The following SNTG1 variants were observed in gnomAD, a reference collection of about 807,000 sequenced individuals.
The protein encoded by SNTG1 is gamma-1-syntrophin.
Under a neutral mutation model 74.7 loss-of-function variants are expected in SNTG1, and 39 were observed. That is an observed-to-expected ratio of 0.52 (90% CI 0.40 to 0.68). SNTG1 has a LOEUF of 0.68. SNTG1 is among the 30% of genes least tolerant of loss of function. The pLI, the probability that SNTG1 is intolerant of heterozygous loss-of-function variation, is 0.00. For synonymous variants in SNTG1, 254 were observed against 217.1 expected (o/e 1.17, Z -1.49); for missense variants, 685 against 609.5 (o/e 1.12, Z -1.30).
intron 18 of SNTG1, among the ~76,000 whole-genome samples, chr8:50,769,198 A>C (rs985529804): frequency 1.3e-5 from 2 of 151,906 alleles, no homozygotes; most frequent in Admixed American, 1.3e-4. Flanking sequence ...GTAGACTATA[A>C]AATTTGCATT....
At chr8:50,105,453 A>G (rs2080328957) in intron 1 of SNTG1, among the ~76,000 whole-genome samples, 1 of 151,710 alleles carries the variant, frequency 6.6e-6, no homozygotes, top group Non-Finnish European at 1.5e-5. Context: ...TTTGAATTTG[A>G]GTAACATGAT....
chr8:50,590,376 C>T (rs1037655212), intron 12 of SNTG1, among the ~76,000 whole-genome samples: 1 of 152,004 alleles, frequency 6.6e-6, no homozygotes, highest in African/African-American at 2.4e-5. Context: ...ACTTTAAATT[C>T]TTATAAAATG....
intron 1 of SNTG1, among the ~76,000 whole-genome samples, chr8:50,144,847 G>T (rs2081800409): frequency 6.6e-6 from 1 of 152,160 alleles, no homozygotes; most frequent in Non-Finnish European, 1.5e-5. Context: ...ATCAATAGTT[G>T]TATTTTTATT....
At chr8:50,529,156 A>G (rs2130298236) in intron 9 of SNTG1, among the ~76,000 whole-genome samples, 1 of 152,088 alleles carries the variant, frequency 6.6e-6, no homozygotes, top group East Asian at 1.9e-4. Context: ...CATTTGCTTT[A>G]AAGTAATACA....
chr8:49,976,182 G>C (rs534979661), intron 1 of SNTG1, among the ~76,000 whole-genome samples: 1 of 152,242 alleles, frequency 6.6e-6, no homozygotes, highest in Admixed American at 6.5e-5. Flanking sequence ...TATCTTCTTT[G>C]AGAAAAGCAA....
rs367552351 is a variant in SNTG1 at position 50,572,463 on chromosome 8, A to G, written c.811-18416A>G. 4.6e-5 allele frequency among the ~76,000 whole-genome samples: 7 copies of G among 152,146 alleles called. No individual in the cohort carries two copies. In the East Asian group the frequency reaches 9.6e-4, roughly 21 times the overall value. The stretch of plus-strand genomic sequence containing the variant: ...TGATGACTGAGACAGATAAAATTGG[A>G]TAATTCTTGTTATAGGAAAATAAAG... On this transcript the variant is annotated intron_variant, in intron 12 of 18. Coordinates refer to ENST00000642720, the MANE Select transcript of SNTG1 (RefSeq NM_018967.5).
chr8:50,055,263 T>C (rs1819927093), intron 1 of SNTG1, among the ~76,000 whole-genome samples: 1 of 152,172 alleles, frequency 6.6e-6, no homozygotes, highest in South Asian at 2.1e-4. Context: ...TAAGACTTTA[T>C]AGTATTTATA....
At chr8:50,721,876 G>A (rs983198899) in intron 17 of SNTG1, among the ~76,000 whole-genome samples, 5 of 152,046 alleles carry the variant, frequency 3.3e-5, no homozygotes, top group African/African-American at 1.2e-4. Flanking sequence ...CAAAGATGTT[G>A]CTTCACTGAA....
rs988244521 is a variant in SNTG1, at chr8:50,122,483, C to G, written c.-102-50078C>G. ...GTCAAAAAAAAGCTGTGACTGCACT[C>G]AGCCCTTTGGACCTCATCTTCAAGG... On this transcript the variant is annotated intron_variant, in intron 1 of 18. Transcript: ENST00000642720. 2.1e-5 allele frequency among the ~76,000 whole-genome samples: 3 copies of G among 141,548 alleles called. 1 individual carries two copies. The highest frequency in any genetic ancestry group is 7.7e-5 in the African/African-American group (3 of 39,118). The allele number at this position is 141,548 out of a possible 152,430, so 92.9% of individuals were successfully genotyped here.
chr8:50,412,940 G>T (rs771814993), intron 4 of SNTG1, among the ~76,000 whole-genome samples: 2 of 152,178 alleles, frequency 1.3e-5, no homozygotes, highest in Non-Finnish European at 2.9e-5. Flanking sequence ...TCAGGTTTTA[G>T]AGCGGTGTAC....
At chr8:50,043,678 C>T (rs1157447771) in intron 1 of SNTG1, among the ~76,000 whole-genome samples, 1 of 152,140 alleles carries the variant, frequency 6.6e-6, no homozygotes, top group Non-Finnish European at 1.5e-5. Context: ...GAGTGGGTGG[C>T]TCCAGCTTTA....
chr8:50,646,062 T>C (rs1440388497), intron 13 of SNTG1, among the ~76,000 whole-genome samples: 2 of 152,184 alleles, frequency 1.3e-5, no homozygotes, highest in Non-Finnish European at 2.9e-5. Flanking sequence ...TGAAGTAGAA[T>C]TGATTTGTAA....
chr8:50,098,848 G>C (rs1173008937), intron 1 of SNTG1, among the ~76,000 whole-genome samples: 1 of 152,078 alleles, frequency 6.6e-6, no homozygotes, highest in Admixed American at 6.6e-5. Flanking sequence ...TGGAACATAA[G>C]TGCACTTTCA....
chr8:50,702,386 G>A (rs2095429229), intron 15 of SNTG1, among the ~76,000 whole-genome samples: 1 of 152,080 alleles, frequency 6.6e-6, no homozygotes, highest in Non-Finnish European at 1.5e-5. Flanking sequence ...AGCTTTCTGA[G>A]CATCTACTGG....
At chr8:50,322,785 C>T (rs964549076) in intron 2 of SNTG1, among the ~76,000 whole-genome samples, 1 of 151,904 alleles carries the variant, frequency 6.6e-6, no homozygotes, top group Non-Finnish European at 1.5e-5. Flanking sequence ...TTCAAGCTCA[C>T]TAATTCTTTC....
In SNTG1 at chr8:50,109,137, C is replaced by A. The variant is rs575098126; in HGVS notation, c.-102-63424C>A. ...GTATGGAGCATCCCACATTCCTTTT[C>A]TGGAAGTTCATAGGAAGCCAATTCA... On this transcript the variant is annotated intron_variant, in intron 1 of 18. Coordinates refer to ENST00000642720, the MANE Select transcript of SNTG1 (RefSeq NM_018967.5). Among the ~76,000 whole-genome samples the A allele has an allele frequency of 1.6e-4, 24 of 152,250 alleles. 1 individual carries two copies. Among genetic ancestry groups the A allele is most frequent in the African/African-American group, 5.5e-4 (23 of 41,562 alleles).
At chr8:50,435,027 A>T (rs1286466319) in intron 4 of SNTG1, among the ~76,000 whole-genome samples, 2 of 152,134 alleles carry the variant, frequency 1.3e-5, no homozygotes, top group African/African-American at 4.8e-5. Context: ...CTTCCAATAT[A>T]GTTCATACAA....
chr8:49,924,644 A>G (rs1269999524), intron 1 of SNTG1, among the ~76,000 whole-genome samples: 1 of 152,096 alleles, frequency 6.6e-6, no homozygotes, highest in Non-Finnish European at 1.5e-5. Flanking sequence ...TTAGTTTATG[A>G]GGGAGTTTAG....
At chr8:50,596,107 C>T (rs952320624) in intron 13 of SNTG1, among the ~76,000 whole-genome samples, 5 of 151,874 alleles carry the variant, frequency 3.3e-5, no homozygotes, top group Non-Finnish European at 7.4e-5. Flanking sequence ...AAGATAATCT[C>T]GTAGATATCC....
Sources: gnomAD v4.1 joint callset for allele counts (sites outside exome capture counted in the v4.1 genomes callset) on GRCh38, gnomAD v4.1.1 for gene constraint, MANE v1.5 for transcripts, NCBI Gene and HGNC (gene_info 2026-07-23, HGNC 2026-07-21) for gene names.